CETP: variants seen among roughly 807,000 people sequenced by gnomAD.
The protein encoded by CETP is BPI fold containing family F.
A neutral mutation model predicts 66.5 loss-of-function variants in CETP; 56 were observed. The observed-to-expected ratio is 0.84, with a 90% confidence interval of 0.68 to 1.05. CETP has a LOEUF of 1.05. Among genes scored for constraint, CETP ranks in the 50% least tolerant of loss-of-function variants. CETP has a pLI of 0.00. For missense variants in CETP, 612 were observed against 609.6 expected, an observed-to-expected ratio of 1.00 and a Z score of -0.04; for synonymous variants, 251 against 245.7, an observed-to-expected ratio of 1.02 and a Z score of -0.20.
At chr16:56,973,194 A>G (rs2056125207) in intron 8 of CETP, 137 bp from the exon 9 acceptor site, 7 of 878,190 alleles carry the variant, frequency 8.0e-6, no homozygotes, top group South Asian at 1.5e-5. Flanking sequence ...CGCTGGGGGA[A>G]ACTGGGTACA....
intron 2 of CETP, among the ~76,000 whole-genome samples, chr16:56,967,146 A>G (rs4784739): frequency 1.3e-5 from 2 of 151,744 alleles, no homozygotes; most frequent in South Asian, 2.1e-4. Context: ...TCAGGAGTTC[A>G]AGACCAGCCT....
In CETP at chr16:56,962,063, C is replaced by G. The variant is rs142117489; in HGVS notation, c.84C>G (p.Ile28Met). 3.1e-6 allele frequency: 5 copies of G among 1,613,974 alleles called. No individual in the cohort carries two copies. The Admixed American group carries it at 5.0e-5, about 16-fold the overall frequency. The change falls in exon 1 of 16, where the codon ATC (isoleucine) becomes ATG (methionine). Residue 28 changes from isoleucine (I) to methionine (M), a missense_variant. Transcript: ENST00000200676. ...CSKGTSHEAG[I>M]VCRITKPALL... ...AAGGCACCTCGCACGAGGCAGGCAT[C>G]GTGTGCCGCATCACCAAGCCTGCCC...
chr16:56,963,004 C>T lies in CETP; in HGVS notation c.119-6C>T. The T allele has an allele frequency of 1.9e-6, 3 of 1,613,044 alleles. No individual in the cohort carries two copies. Among genetic ancestry groups the T allele is most frequent in the East Asian group, 2.2e-5 (1 of 44,880 alleles). On this transcript the variant is annotated splice_region_variant and splice_polypyrimidine_tract_variant and intron_variant, in intron 1 of 15. Coordinates refer to ENST00000200676, the MANE Select transcript of CETP (RefSeq NM_000078.3). ...GCAGCCCCTCATCCACTGCCCTCCC[C>T]TCTAGTGAACCACGAGACTGCCAAG...
At position 56,983,759 on chromosome 16, in the gene CETP, G is replaced by C; in HGVS notation, c.*93G>C. ...TGGTGTCTCCTCCAGCGTGGTGGAA[G>C]TTGGGTTAGGAGTACGGAGATGGAG... On this transcript the variant is annotated 3_prime_UTR_variant, in exon 16 of 16. Transcript: ENST00000200676. 1 of 1,217,732 alleles carries C rather than the reference G, an allele frequency of 8.2e-7. No individual in the cohort carries two copies. Among genetic ancestry groups the C allele is most frequent in the Non-Finnish European group, 1.2e-6 (1 of 820,238 alleles). 75.4% of individuals were successfully genotyped at this position (1,217,732 alleles called of 1,614,324 possible).
At chr16:56,981,389 C>T (rs2056186454) in intron 12 of CETP, among the ~76,000 whole-genome samples, 164 bp downstream of exon 12, 1 of 152,108 alleles carries the variant, frequency 6.6e-6, no homozygotes, top group African/African-American at 2.4e-5. Context: ...ATAGAATCTT[C>T]GTGGGGAAGA....
At chr16:56,971,227 C>T (rs1294528980) in intron 6 of CETP, 94 bp from the exon 7 acceptor site, 13 of 1,512,726 alleles carry the variant, frequency 8.6e-6, no homozygotes, top group East Asian at 2.2e-5. Flanking sequence ...TCCCCTGTGC[C>T]GGTCCCCAGC....
rs148807012 is a variant in CETP at position 56,979,925 on chromosome 16, C to T, written c.1147-1233C>T. ...CATAACCCCCTTCTCCAGGGGCCTT[C>T]GATGTGGTGACTGGGTGCATTTCCT... On this transcript the variant is annotated intron_variant, in intron 11 of 15. Coordinates refer to ENST00000200676, the MANE Select transcript of CETP (RefSeq NM_000078.3). 2.9e-3 allele frequency among the ~76,000 whole-genome samples: 440 copies of T among 152,266 alleles called. 4 individuals are homozygous for T. Among genetic ancestry groups the T allele is most frequent in the African/African-American group, 0.01 (424 of 41,536 alleles).
chr16:56,976,332 T>A (rs2056149779), intron 10 of CETP, among the ~76,000 whole-genome samples: 1 of 152,140 alleles, frequency 6.6e-6, no homozygotes, highest in African/African-American at 2.4e-5. Context: ...GGCTAAACGC[T>A]CTCCCATGGC....
At chr16:56,973,229 G>A (rs930987455) in intron 8 of CETP, 102 bp from the exon 9 acceptor site, 32 of 1,240,808 alleles carry the variant, frequency 2.6e-5, no homozygotes, top group Non-Finnish European at 3.8e-5. Context: ...TTCCCCATCT[G>A]CACTCTGGGC....
In CETP at chr16:56,978,162, A is replaced by C; in HGVS notation, c.1053A>C (p.Gln351His). The C allele has an allele frequency of 6.2e-7, 1 of 1,614,234 alleles. No individual in the cohort carries two copies. Among genetic ancestry groups the C allele is most frequent in the African/African-American group, 1.3e-5 (1 of 75,046 alleles). The part of the protein sequence containing the change: ...HCLKMPKISC[Q>H]NKGVVVNSSV... ...TCAAGATGCCCAAGATCTCCTGCCAAAACAAGGGAGTCGTGGTCAATTCTT... is the reference window on the plus strand; with the variant it reads ...TCAAGATGCCCAAGATCTCCTGCCACAACAAGGGAGTCGTGGTCAATTCTT... Residue 351 changes from glutamine to histidine, a missense_variant, in exon 11 of 16, where the codon CAA (glutamine) becomes CAC (histidine). Gln to His is a conservative substitution (Grantham distance 24). Coordinates refer to ENST00000200676, the MANE Select transcript of CETP (RefSeq NM_000078.3).
At chr16:56,963,145 G>A (rs779823884) in intron 2 of CETP, 21 bp downstream of exon 2, 1 of 1,596,328 alleles carries the variant, frequency 6.3e-7, no homozygotes, top group Admixed American at 1.7e-5. Context: ...CCTCGGGTGT[G>A]ACCAGGCTGG....
In CETP at chr16:56,963,037, A is replaced by C. The variant is rs2056036157; in HGVS notation, c.146A>C (p.Gln49Pro). The C allele has an allele frequency of 6.2e-7, 1 of 1,614,170 alleles. No homozygotes were observed. Among genetic ancestry groups the C allele is most frequent in the Non-Finnish European group, 8.5e-7 (1 of 1,180,000 alleles). Residue 49 changes from glutamine to proline, a missense_variant, in exon 2 of 16, where the codon CAG becomes CCG. Transcript: ENST00000200676. ...AACCACGAGACTGCCAAGGTGATCCAGACCGCCTTCCAGCGAGCCAGCTAC... is the reference window on the plus strand; with the variant it reads ...AACCACGAGACTGCCAAGGTGATCCCGACCGCCTTCCAGCGAGCCAGCTAC... ...VLNHETAKVI[Q>P]TAFQRASYPD...
intron 2 of CETP, 45 bp downstream of exon 2, chr16:56,963,169 G>A (rs1596993580): frequency 2.0e-6 from 3 of 1,494,688 alleles, no homozygotes; most frequent in Non-Finnish European, 2.8e-6. Context: ...TAGGGAGGCG[G>A]GAGGAACAGC....
chr16:56,969,830 C>A, intron 4 of CETP, 84 bp from the exon 5 acceptor site: 1 of 1,552,800 alleles, frequency 6.4e-7, no homozygotes, highest in East Asian at 2.3e-5. Flanking sequence ...CCAGAGCTGG[C>A]CAAGCTCTTG....
At chr16:56,970,830 C>T (rs545963441) in intron 5 of CETP, among the ~76,000 whole-genome samples, 4 of 152,266 alleles carry the variant, frequency 2.6e-5, no homozygotes, top group South Asian at 2.1e-4. Flanking sequence ...TGGGCCCTCC[C>T]GAGGAATTCT....
At chr16:56,971,133 C>T (rs2056106765) in intron 6 of CETP, 31 bp downstream of exon 6, 4 of 1,606,670 alleles carry the variant, frequency 2.5e-6, no homozygotes, top group East Asian at 4.5e-5. Flanking sequence ...CCCTGTGGTC[C>T]AGGGCCATGC....
Position 56,983,573 on chromosome 16 carries a change from C to T in CETP, c.1408-19C>T, listed in dbSNP as rs532319623. The stretch of plus-strand genomic sequence containing the variant: ...AGTCAGCCCAGCTCGCCCCTCTCTC[C>T]TACTGCCCCTCCCTTCAGGGCTTCC... On this transcript the variant is annotated intron_variant, in intron 15 of 15. Coordinates refer to ENST00000200676, the MANE Select transcript of CETP (RefSeq NM_000078.3). 2.8e-5 allele frequency: 46 copies of T among 1,614,110 alleles called. No homozygotes were observed. Among genetic ancestry groups the T allele is most frequent in the Non-Finnish European group, 3.4e-5 (40 of 1,179,946 alleles).
intron 3 of CETP, 28 bp downstream of exon 3, chr16:56,969,548 A>G: frequency 1.2e-6 from 2 of 1,614,180 alleles, no homozygotes; most frequent in East Asian, 2.2e-5. Flanking sequence ...CTGATGCCCC[A>G]TGCCCTGGCC....
intron 11 of CETP, among the ~76,000 whole-genome samples, chr16:56,979,756 C>T (rs184071880): frequency 2.0e-5 from 3 of 152,302 alleles, no homozygotes; most frequent in Non-Finnish European, 2.9e-5. Flanking sequence ...ATCCACCTGC[C>T]TCAGCCTCCA....
Sources: gnomAD v4.1 joint callset for allele counts (sites outside exome capture counted in the v4.1 genomes callset) on GRCh38, gnomAD v4.1.1 for gene constraint, MANE v1.5 for transcripts, NCBI Gene and HGNC (gene_info 2026-07-23, HGNC 2026-07-21) for gene names.